The following AMOTL1 variants were observed in gnomAD, a reference collection of about 807,000 sequenced individuals.
AMOTL1 encodes the protein angiomotin like 1, also known as angiomotin-like protein 1.
In AMOTL1, 45 loss-of-function variants were observed where a neutral mutation model predicts 102.9. The ratio of observed to expected loss-of-function variants is 0.44; its 90% CI spans 0.34 to 0.56. The LOEUF (loss-of-function observed/expected upper bound fraction) is 0.56. AMOTL1 is among the 20% of genes least tolerant of loss of function. AMOTL1 has a pLI of 0.01. For missense variants in AMOTL1, 1,114 were observed against 1,225.6 expected, an observed-to-expected ratio of 0.91 and a Z score of 1.36; for synonymous variants, 481 against 484.7, an observed-to-expected ratio of 0.99 and a Z score of 0.10.
At chr11:94,749,215 C>G (rs1360604939) in intron 3 of AMOTL1, among the ~76,000 whole-genome samples, 2 of 152,214 alleles carry the variant, frequency 1.3e-5, no homozygotes, top group African/African-American at 4.8e-5. Flanking sequence ...AGGCCAAAGG[C>G]CTGAGAACCT....
intron 6 of AMOTL1, among the ~76,000 whole-genome samples, chr11:94,839,243 C>A (rs539275900): frequency 1.3e-5 from 2 of 152,292 alleles, no homozygotes; most frequent in East Asian, 3.9e-4. Context: ...CAGGCCAGAC[C>A]GGCTGTGGTC....
chr11:94,798,477 G>A (rs1160050374), intron 2 of AMOTL1, among the ~76,000 whole-genome samples: 1 of 152,178 alleles, frequency 6.6e-6, no homozygotes, highest in Non-Finnish European at 1.5e-5. Context: ...ACAGAAAGTA[G>A]ATGAGGCAGG....
chr11:94,865,962 A>G lies in AMOTL1; in HGVS notation c.2282A>G (p.Lys761Arg). ...MEYTIKNLHA[K>R]IIEKDAMIKV... is the part of the protein sequence containing the mutation. ...TACAGTATTAAAAATCTCCATGCCA[A>G]AATCATAGAGAAAGATGCTATGATT... Residue 761 changes from lysine (K) to arginine (R), a missense_variant, in exon 11 of 13, where the codon AAA becomes AGA. Physicochemically the swap from Lys to Arg is conservative, Grantham distance 26. Coordinates refer to ENST00000433060, the MANE Select transcript of AMOTL1 (RefSeq NM_130847.3). 6.2e-7 allele frequency: 1 copy of G among 1,613,748 alleles called. No individual in the cohort carries two copies. Among genetic ancestry groups the G allele is most frequent in the African/African-American group, 1.3e-5 (1 of 75,024 alleles).
At chr11:94,732,014 A>G (rs1950362009) in intron 2 of AMOTL1, among the ~76,000 whole-genome samples, 1 of 152,198 alleles carries the variant, frequency 6.6e-6, no homozygotes, top group South Asian at 2.1e-4. Flanking sequence ...CAGCCATCTC[A>G]GCTCATGCAT....
At chr11:94,727,533 T>A (rs898658471) in intron 1 of AMOTL1, among the ~76,000 whole-genome samples, 1 of 152,064 alleles carries the variant, frequency 6.6e-6, no homozygotes, top group Non-Finnish European at 1.5e-5. Context: ...CTGACATGGG[T>A]GGATAGGTAG....
At chr11:94,731,533 T>C (rs1950352022) in intron 2 of AMOTL1, among the ~76,000 whole-genome samples, 1 of 152,180 alleles carries the variant, frequency 6.6e-6, no homozygotes, top group South Asian at 2.1e-4. Flanking sequence ...AGAGGAAGTG[T>C]AATGTGCCAG....
intron 3 of AMOTL1, among the ~76,000 whole-genome samples, chr11:94,809,440 A>G (rs1037465046): frequency 2.0e-5 from 3 of 152,220 alleles, no homozygotes; most frequent in African/African-American, 7.2e-5. Context: ...ATGCACTGAC[A>G]TCAGTCCAGA....
At chr11:94,841,141 T>G (rs1401749649) in intron 6 of AMOTL1, among the ~76,000 whole-genome samples, 2 of 152,086 alleles carry the variant, frequency 1.3e-5, no homozygotes, top group Admixed American at 6.6e-5. Flanking sequence ...TTTTTTATGT[T>G]AAGAAAAGAG....
At chr11:94,748,107 G>A (rs1018861319) in intron 3 of AMOTL1, among the ~76,000 whole-genome samples, 2 of 152,170 alleles carry the variant, frequency 1.3e-5, no homozygotes, top group African/African-American at 4.8e-5. Context: ...CTTGGTCTTG[G>A]TATTATTTAG....
upstream of AMOTL1, among the ~76,000 whole-genome samples, chr11:94,765,976 C>T (rs191124839): frequency 2.0e-5 from 3 of 152,334 alleles, no homozygotes; most frequent in East Asian, 5.8e-4. Flanking sequence ...CTCTTCTCAA[C>T]TGTGCTTCAT....
intron 3 of AMOTL1, among the ~76,000 whole-genome samples, chr11:94,753,228 C>T (rs1247564685): frequency 1.3e-5 from 2 of 151,692 alleles, no homozygotes; most frequent in African/African-American, 4.9e-5. Flanking sequence ...AAAGAATTAG[C>T]ACATTTAAAT....
intron 3 of AMOTL1, among the ~76,000 whole-genome samples, chr11:94,762,362 A>T (rs1297377136): frequency 2.0e-5 from 3 of 152,198 alleles, no homozygotes; most frequent in Non-Finnish European, 4.4e-5. Flanking sequence ...CCCCTAGGGG[A>T]CATTTGGCAA....
At chr11:94,824,865 G>C (rs1404428248) in intron 4 of AMOTL1, among the ~76,000 whole-genome samples, 1 of 152,198 alleles carries the variant, frequency 6.6e-6, no homozygotes, top group African/African-American at 2.4e-5. Context: ...TGTAAGGGCA[G>C]AACTAAAAAT....
intron 1 of AMOTL1, among the ~76,000 whole-genome samples, chr11:94,791,234 A>G (rs922127226): frequency 6.6e-6 from 1 of 152,250 alleles, no homozygotes; most frequent in Non-Finnish European, 1.5e-5. Flanking sequence ...CATAGGCAAC[A>G]TAAGGCAGAA....
At chr11:94,776,572 T>C (rs1372875467) in intron 1 of AMOTL1, among the ~76,000 whole-genome samples, 3 of 152,234 alleles carry the variant, frequency 2.0e-5, no homozygotes, top group African/African-American at 7.2e-5. Context: ...CCAAGCTTGC[T>C]TTGCTTTCTC....
intron 1 of AMOTL1, among the ~76,000 whole-genome samples, chr11:94,725,639 G>A (rs1950245692): frequency 6.6e-6 from 1 of 152,114 alleles, no homozygotes. Flanking sequence ...GCCTGTGGGA[G>A]CCTCTGAGGA....
At chr11:94,710,104 AC>A (rs1201767226) in intron 1 of AMOTL1, among the ~76,000 whole-genome samples, 4 of 152,146 alleles carry the variant, frequency 2.6e-5, no homozygotes, top group African/African-American at 9.7e-5. Flanking sequence ...CTCTCCTCAT[AC>A]AAGGCTCTGC....
chr11:94,789,448 C>T (rs773037732), intron 1 of AMOTL1, among the ~76,000 whole-genome samples: 5 of 152,326 alleles, frequency 3.3e-5, no homozygotes, highest in South Asian at 2.1e-4. Context: ...CTTGAGCCAC[C>T]GTGCCCGGCA....
chr11:94,859,050 A>T (rs930674664), intron 8 of AMOTL1, among the ~76,000 whole-genome samples: 1 of 152,166 alleles, frequency 6.6e-6, no homozygotes. Flanking sequence ...GGCATCTCCC[A>T]CTTCCTTTGC....
Sources: gnomAD v4.1 joint callset for allele counts (sites outside exome capture counted in the v4.1 genomes callset) on GRCh38, gnomAD v4.1.1 for gene constraint, MANE v1.5 for transcripts, NCBI Gene and HGNC (gene_info 2026-07-23, HGNC 2026-07-21) for gene names.